The following ATAD5 variants were observed in gnomAD, a reference collection of about 807,000 sequenced individuals.
ATAD5 encodes ATPase family AAA domain containing 5.
In ATAD5, 58 loss-of-function variants were observed where a neutral mutation model predicts 176.9. The ratio of observed to expected loss-of-function variants is 0.33; its 90% CI spans 0.27 to 0.41. The LOEUF is 0.41. ATAD5 is among the 10% of genes least tolerant of loss of function. The probability of loss-of-function intolerance (pLI) is 1.00; values close to 1 mark genes in which losing one functional copy is unlikely to be tolerated. For missense variants in ATAD5, 1,789 were observed against 2,094.1 expected (o/e 0.85, Z 2.84); for synonymous variants, 640 against 712.6 (o/e 0.90, Z 1.62).
At position 30,869,299 on chromosome 17, in the gene ATAD5, G is replaced by A. The variant is rs1013071883; in HGVS notation, c.3365G>A (p.Ser1122Asn). 6.2e-7 allele frequency: 1 copy of A among 1,613,942 alleles called. No individual in the cohort carries two copies. Among genetic ancestry groups the A allele is most frequent in the Non-Finnish European group, 8.5e-7 (1 of 1,179,988 alleles). The change falls in exon 13 of 23, where the codon AGT becomes AAT. Residue 1122 changes from serine to asparagine, a missense_variant. Transcript: ENST00000321990. The part of the protein sequence containing the change: ...FKGSSDDEEE[S>N]RLCNTVLITG... ...GGCAGTTCAGATGATGAAGAAGAGA[G>A]TCGTCTTTGCAATACTGTCCTTATA...
At position 30,834,347 on chromosome 17, in the gene ATAD5, C is replaced by T. The variant is rs374539641; in HGVS notation, c.266C>T (p.Ser89Leu). 1 of 1,610,794 alleles carries T rather than the reference C, an allele frequency of 6.2e-7. No individual in the cohort carries two copies. The highest frequency in any genetic ancestry group is 8.5e-7 in the Non-Finnish European group (1 of 1,178,964). The change falls in exon 2 of 23, where the codon TCA (serine) becomes TTA (leucine). Residue 89 changes from serine (S) to leucine (L), a missense_variant. Around this residue, in one of 6 missense-constraint regions of ATAD5, gnomAD observed 696 missense variants for 712.5 expected, o/e 0.98. Transcript: ENST00000321990. Reference sequence around the variant, plus strand: ...GAGTGCAAGATAAAGTCACCTGAATCAGTACCTGTTGACAGCAACAAAGAC... The same window carrying T: ...GAGTGCAAGATAAAGTCACCTGAATTAGTACCTGTTGACAGCAACAAAGAC... The part of the protein sequence containing the change: ...GKECKIKSPE[S>L]VPVDSNKDCT...
intron 4 of ATAD5, among the ~76,000 whole-genome samples, chr17:30,842,046 G>A (rs999436195): frequency 1.3e-5 from 2 of 152,252 alleles, no homozygotes; most frequent in South Asian, 4.1e-4. Flanking sequence ...TGAGGCGGGA[G>A]GATCACGAGG....
At chr17:30,884,424 C>CTTTTTTTTTTTTT (rs61664127) in intron 18 of ATAD5, among the ~76,000 whole-genome samples, 10 of 80,966 alleles carry the variant, frequency 1.2e-4, no homozygotes, top group South Asian at 4.0e-4. Flanking sequence ...CTTTTCTTTT[C>CTTTTTTTTTTTTT]TTTTTTTTTT....
intron 8 of ATAD5, 110 bp downstream of exon 8, chr17:30,857,222 A>ATTT (rs995996112): frequency 9.8e-5 from 94 of 962,454 alleles, no homozygotes; most frequent in East Asian, 1.8e-4. Context: ...CTAGAGTTTA[A>ATTT]TTTTTTTTTT....
Position 30,894,626 on chromosome 17 carries a change from T to C in ATAD5, c.5360T>C (p.Val1787Ala), listed in dbSNP as rs765075019. The C allele has an allele frequency of 1.2e-6, 2 of 1,613,320 alleles. No homozygotes were observed. The highest frequency in any genetic ancestry group is 1.7e-6 in the Non-Finnish European group (2 of 1,179,508). The part of the protein sequence containing the change: ...SVFSSRSLLY[V>A]GNRQASIIEY... Reference sequence around the variant, plus strand: ...TTTTCGAGTCGATCTCTTCTCTATGTGGGTAATAGACAAGCTAGTATAATT... The same window carrying C: ...TTTTCGAGTCGATCTCTTCTCTATGCGGGTAATAGACAAGCTAGTATAATT... Residue 1787 changes from valine (V) to alanine (A), a missense_variant, in exon 22 of 23, where the codon GTG (valine) becomes GCG (alanine). By Grantham distance (64) the Val-to-Ala change is moderately conservative. This residue lies in a region of ATAD5 where 403 missense variants were observed against 495.1 expected (regional missense o/e 0.81). Transcript: ENST00000321990.
intron 11 of ATAD5, among the ~76,000 whole-genome samples, chr17:30,867,683 C>G (rs1046205744): frequency 1.3e-5 from 2 of 152,144 alleles, no homozygotes; most frequent in Admixed American, 6.6e-5. Flanking sequence ...TGAATCTTGG[C>G]TCACTGCAAC....
rs1191025865 is a variant in ATAD5, at chr17:30,894,075, C to T, written c.5222C>T (p.Pro1741Leu). The change falls in exon 21 of 23, where the codon CCA becomes CTA. Residue 1741 changes from proline to leucine, a missense_variant. By Grantham distance (98) the Pro-to-Leu change is moderately conservative. Transcript: ENST00000321990. ...TCTTGCAAGAAATTAGGAAGAGATC[C>T]AACCAACGATCTTACTTTTTATGTT... is the stretch of plus-strand genomic sequence containing the variant. ...LNSCKKLGRD[P>L]TNDLTFYVSQ... The T allele has an allele frequency of 2.5e-6, 4 of 1,608,884 alleles. No individual in the cohort carries two copies. The highest frequency in any genetic ancestry group is 2.5e-6 in the Non-Finnish European group (3 of 1,176,492).
At chr17:30,876,331 T>C in intron 14 of ATAD5, 43 bp from the exon 15 acceptor site, 1 of 1,521,842 alleles carries the variant, frequency 6.6e-7, no homozygotes, top group Non-Finnish European at 8.9e-7. Flanking sequence ...ACCTGTATGA[T>C]TTTTAGAATA....
chr17:30,847,401 G>A (rs539926574), intron 6 of ATAD5, among the ~76,000 whole-genome samples: 1 of 152,024 alleles, frequency 6.6e-6, no homozygotes, highest in East Asian at 1.9e-4. Flanking sequence ...CGCGATGTCC[G>A]CTCACTGTAA....
In ATAD5 at chr17:30,895,123, T is replaced by C; in HGVS notation, c.*210T>C. 2 of 393,512 alleles carry C rather than the reference T, an allele frequency of 5.1e-6. No homozygotes were observed. 24.4% of individuals were successfully genotyped at this position (393,512 alleles called of 1,614,324 possible). Reference sequence around the variant, plus strand: ...AATTTTTTTTCTGAATTTTTTGTATTATCTGATTTAGCTTTGTTGGAGTAT... The same window carrying C: ...AATTTTTTTTCTGAATTTTTTGTATCATCTGATTTAGCTTTGTTGGAGTAT... On this transcript the variant is annotated 3_prime_UTR_variant, in exon 23 of 23. Coordinates refer to ENST00000321990, the MANE Select transcript of ATAD5 (RefSeq NM_024857.5).
At chr17:30,880,592 G>C (rs1055601628) in intron 18 of ATAD5, among the ~76,000 whole-genome samples, 2 of 142,378 alleles carry the variant, frequency 1.4e-5, no homozygotes, top group African/African-American at 5.2e-5. Context: ...TGGGCAACAA[G>C]AGTGAAACTA....
intron 20 of ATAD5, 102 bp downstream of exon 20, chr17:30,892,890 C>T: frequency 9.5e-7 from 1 of 1,051,318 alleles, no homozygotes; most frequent in East Asian, 2.5e-5. Context: ...TTAAATGTGC[C>T]TATAATTTGT....
Position 30,834,480 on chromosome 17 carries a change from A to G in ATAD5, c.399A>G (p.Pro133=), listed in dbSNP as rs149194938. 1.1e-5 allele frequency: 17 copies of G among 1,586,676 alleles called. No individual in the cohort carries two copies. In the African/African-American group the frequency reaches 2.3e-4, roughly 22 times the overall value. The change falls in exon 2 of 23, where the codon CCA becomes CCG. Residue 133 remains proline, a synonymous_variant. Coordinates refer to ENST00000321990, the MANE Select transcript of ATAD5 (RefSeq NM_024857.5). ...LNNIKTENEA[P]IEISSDDSKE... ...ATATTAAAACTGAAAATGAAGCTCCAATTGAAATTAGTAGCGACGATAGCA... is the reference window on the plus strand; with the variant it reads ...ATATTAAAACTGAAAATGAAGCTCCGATTGAAATTAGTAGCGACGATAGCA...
chr17:30,846,690 C>A (rs373720498), intron 6 of ATAD5, among the ~76,000 whole-genome samples: 4 of 151,312 alleles, frequency 2.6e-5, no homozygotes, highest in South Asian at 4.2e-4. Context: ...CGTGAGCCAC[C>A]GTGTCCAGCC....
chr17:30,890,112 C>T (rs1171938631), intron 19 of ATAD5, among the ~76,000 whole-genome samples: 1 of 151,894 alleles, frequency 6.6e-6, no homozygotes, highest in Non-Finnish European at 1.5e-5. Flanking sequence ...TGGTATTGAA[C>T]TCCTGGGCTC....
At position 30,892,712 on chromosome 17, in the gene ATAD5, A is replaced by G. The variant is rs778915397; in HGVS notation, c.4364A>G (p.Asp1455Gly). The G allele has an allele frequency of 1.2e-6, 2 of 1,603,936 alleles. No homozygotes were observed. The highest frequency in any genetic ancestry group is 1.7e-6 in the Non-Finnish European group (2 of 1,175,616). ...AAACGTGTAGACCTTCCAAAATGTG[A>G]CAGTGGCTGTGCTGAGACCTTGTTT... ...KKKRVDLPKC[D>G]SGCAETLFGL... Residue 1455 changes from aspartate to glycine, a missense_variant, in exon 20 of 23, where the codon GAC (aspartate) becomes GGC (glycine). Around this residue, in one of 6 missense-constraint regions of ATAD5, gnomAD observed 403 missense variants for 495.1 expected, o/e 0.81. Transcript: ENST00000321990.
Position 30,834,471 on chromosome 17 carries a change from T to C in ATAD5, c.390T>C (p.Asn130=), listed in dbSNP as rs777394586. 12 of 1,587,758 alleles carry C rather than the reference T, an allele frequency of 7.6e-6. No homozygotes were observed. The East Asian group carries it at 1.6e-4, about 21-fold the overall frequency. ...SHQLNNIKTE[N]EAPIEISSDD... Reference sequence around the variant, plus strand: ...AACTAAATAATATTAAAACTGAAAATGAAGCTCCAATTGAAATTAGTAGCG... The same window carrying C: ...AACTAAATAATATTAAAACTGAAAACGAAGCTCCAATTGAAATTAGTAGCG... Residue 130 remains asparagine, a synonymous_variant, in exon 2 of 23, where the codon AAT becomes AAC. Transcript: ENST00000321990.
rs556597374 is a variant in ATAD5 at position 30,870,390 on chromosome 17, G to A, written c.3607+744G>A. ...GATTATATCCTCATGGTGTCAGTTA[G>A]TATAGTCCTCTTCCCTATATTTCTT... On this transcript the variant is annotated intron_variant, in intron 14 of 22. Coordinates refer to ENST00000321990, the MANE Select transcript of ATAD5 (RefSeq NM_024857.5). 2.0e-5 allele frequency among the ~76,000 whole-genome samples: 3 copies of A among 152,224 alleles called. No homozygotes were observed. In the East Asian group the frequency reaches 5.8e-4, roughly 29 times the overall value.
chr17:30,861,606 G>C (rs1248570425), intron 10 of ATAD5, among the ~76,000 whole-genome samples: 1 of 151,922 alleles, frequency 6.6e-6, no homozygotes, highest in African/African-American at 2.4e-5. Context: ...CTGCCTCCCG[G>C]GTTCAAGTGA....
Sources: allele counts gnomAD v4.1 joint callset (sites outside exome capture counted in the v4.1 genomes callset), GRCh38; gene constraint gnomAD v4.1.1; regional missense constraint gnomAD v4.1.1; transcripts MANE v1.5; gene names NCBI Gene and HGNC (gene_info 2026-07-23, HGNC 2026-07-21).